EFCAB6: variants seen among roughly 807,000 people sequenced by gnomAD.
EFCAB6 encodes EF-hand calcium-binding domain-containing protein 6.
EFCAB6 carries 156 observed loss-of-function variants against 169.8 expected under a neutral mutation model. That is an observed-to-expected ratio of 0.92 (90% confidence interval 0.81 to 1.05). The LOEUF (loss-of-function observed/expected upper bound fraction) is 1.05. Among genes scored for constraint, EFCAB6 ranks in the 50% least tolerant of loss-of-function variants. The pLI, the probability that EFCAB6 is intolerant of heterozygous loss-of-function variation, is 0.00. For synonymous variants in EFCAB6, 698 were observed against 676.4 expected, an observed-to-expected ratio of 1.03 and a Z score of -0.50; for missense variants, 1,800 against 1,829.1, an observed-to-expected ratio of 0.98 and a Z score of 0.29.
At position 43,795,441 on chromosome 22, in the gene EFCAB6, G is replaced by A. The variant is rs564768937; in HGVS notation, c.-7-13116C>T. 2.1e-4 allele frequency among the ~76,000 whole-genome samples: 32 copies of A among 152,118 alleles called. No homozygotes were observed. Among genetic ancestry groups the A allele is most frequent in the Non-Finnish European group, 4.1e-4 (28 of 68,014 alleles). ...CATGCCTACCAGTGCCCACTAGGCA[G>A]GAGAGGAGCTGCCTCCTGCCCACAT... is the stretch of plus-strand genomic sequence containing the variant. On this transcript the variant is annotated intron_variant, in intron 2 of 31. Transcript: ENST00000262726. This position sits in a 1 kb window ranked among gnomAD's most constrained non-coding sequence, Gnocchi z 4.2.
At chr22:43,596,459 C>G (rs986511364) in intron 23 of EFCAB6, among the ~76,000 whole-genome samples, 3 of 151,844 alleles carry the variant, frequency 2.0e-5, no homozygotes, top group African/African-American at 4.8e-5. Context: ...TAACAGTGAT[C>G]AATCCAAAAA....
chr22:43,701,180 G>A (rs1292090774), intron 10 of EFCAB6, among the ~76,000 whole-genome samples: 1 of 152,120 alleles, frequency 6.6e-6, no homozygotes, highest in Non-Finnish European at 1.5e-5. Flanking sequence ...GGGCTTGAGA[G>A]GGTAGCAAAA....
At chr22:43,803,717 T>A (rs1173038659) in intron 2 of EFCAB6, among the ~76,000 whole-genome samples, 4 of 151,902 alleles carry the variant, frequency 2.6e-5, no homozygotes, top group African/African-American at 9.7e-5. Context: ...TGCAATACAA[T>A]AATATTAGGA....
intron 2 of EFCAB6, among the ~76,000 whole-genome samples, chr22:43,803,473 T>A (rs190420119): frequency 5.9e-5 from 9 of 152,282 alleles, no homozygotes; most frequent in African/African-American, 1.7e-4. Context: ...TGTCTGCCCA[T>A]GTCCTGCTGA....
At chr22:43,551,555 G>A (rs2048379085) in intron 27 of EFCAB6, among the ~76,000 whole-genome samples, 1 of 152,080 alleles carries the variant, frequency 6.6e-6, no homozygotes, top group East Asian at 1.9e-4. Context: ...ACATGTGCAG[G>A]TTTGTTCCAT....
In EFCAB6 at chr22:43,735,887, CAGA is replaced by C. The variant is rs1368259557; in HGVS notation, c.611_613del (p.Phe204del). On this transcript the variant is annotated inframe_deletion, in exon 7 of 32. Coordinates refer to ENST00000262726, the MANE Select transcript of EFCAB6 (RefSeq NM_022785.4). Reference sequence around the variant, plus strand: ...GTATTCCTCGTCTCTTAACTTCATACAGAAGGTCTCCAGAACCCTTCTTAGCTC... The same window carrying C: ...GTATTCCTCGTCTCTTAACTTCATACAGGTCTCCAGAACCCTTCTTAGCTC... The C allele has an allele frequency of 2.5e-6, 4 of 1,614,122 alleles. No individual in the cohort carries two copies. The highest frequency in any genetic ancestry group is 3.4e-6 in the Non-Finnish European group (4 of 1,180,014).
chr22:43,566,574 G>T (rs991577924), intron 26 of EFCAB6, among the ~76,000 whole-genome samples: 2 of 152,174 alleles, frequency 1.3e-5, no homozygotes, highest in African/African-American at 4.8e-5. Flanking sequence ...AGTAAGTGGG[G>T]CTCAGTTCCA....
At position 43,561,233 on chromosome 22, in the gene EFCAB6, T is replaced by A. The variant is rs539094873; in HGVS notation, c.3421-6137A>T. 1.6e-3 allele frequency among the ~76,000 whole-genome samples: 244 copies of A among 151,896 alleles called. 3 individuals are homozygous for A. Among genetic ancestry groups the A allele is most frequent in the African/African-American group, 5.5e-3 (226 of 41,434 alleles). On this transcript the variant is annotated intron_variant, in intron 26 of 31. Coordinates refer to ENST00000262726, the MANE Select transcript of EFCAB6 (RefSeq NM_022785.4). The stretch of plus-strand genomic sequence containing the variant: ...TTAGCCAGGCGTGGTGGCGGGAGCC[T>A]GTAGTCCCAGCTACTCAGGGGGCTG...
chr22:43,667,364 C>G (rs988284985), intron 16 of EFCAB6, 92 bp from the exon 17 acceptor site: 3 of 1,470,950 alleles, frequency 2.0e-6, no homozygotes, highest in Non-Finnish European at 2.8e-6. Flanking sequence ...TAACCCATGA[C>G]AGTAAGAAGG....
intron 28 of EFCAB6, 152 bp downstream of exon 28, chr22:43,539,975 A>G: frequency 1.3e-6 from 1 of 761,006 alleles, no homozygotes; most frequent in South Asian, 1.8e-5. Flanking sequence ...AGGACCTGCC[A>G]GTGGGATCCT....
At chr22:43,673,256 C>T (rs934044007) in intron 13 of EFCAB6, among the ~76,000 whole-genome samples, 7 of 152,128 alleles carry the variant, frequency 4.6e-5, no homozygotes, top group South Asian at 2.1e-4. Context: ...GTGTCCTTTG[C>T]ATTCTGTACT....
At chr22:43,811,499 G>A (rs2063128090) in intron 1 of EFCAB6, among the ~76,000 whole-genome samples, 1 of 152,052 alleles carries the variant, frequency 6.6e-6, no homozygotes, top group Admixed American at 6.5e-5. Context: ...TAGAGAGAGG[G>A]GTGATTTGGA....
chr22:43,646,810 A>G (rs537903481), intron 17 of EFCAB6, among the ~76,000 whole-genome samples: 231 of 152,344 alleles, frequency 1.5e-3, no homozygotes, highest in African/African-American at 5.5e-3. Flanking sequence ...AAACTTTTTT[A>G]TTCTACCCAA....
intron 10 of EFCAB6, among the ~76,000 whole-genome samples, chr22:43,698,108 G>A (rs2058641418): frequency 6.6e-6 from 1 of 152,106 alleles, no homozygotes; most frequent in South Asian, 2.1e-4. Context: ...CTTGTTCATG[G>A]GCTTTCAGGG....
rs2057377438 is a variant in EFCAB6 at position 43,669,042 on chromosome 22, G to A, written c.1644C>T (p.Leu548=). 1 of 1,598,346 alleles carries A rather than the reference G, an allele frequency of 6.3e-7. No individual in the cohort carries two copies. The highest frequency in any genetic ancestry group is 8.5e-7 in the Non-Finnish European group (1 of 1,173,408). Residue 548 remains leucine (L), a synonymous_variant, in exon 16 of 32, where the codon CTC becomes CTT. Transcript: ENST00000262726. ...PFLTNAHFIK[L]CSKIQDIGSG... ...AACCAATGTCCTGAATCTTACTGCA[G>A]AGTCTGAATTTTAAAAAATAATTAA...
intron 2 of EFCAB6, among the ~76,000 whole-genome samples, chr22:43,791,354 T>C (rs1212525025): frequency 4.1e-5 from 6 of 145,506 alleles, no homozygotes; most frequent in South Asian, 2.2e-4. Context: ...GCCTGGGTGA[T>C]AGAAGTGAGA....
chr22:43,687,608 C>T (rs772042302), intron 10 of EFCAB6, 27 bp from the exon 11 acceptor site: 9 of 1,424,106 alleles, frequency 6.3e-6, no homozygotes. Flanking sequence ...CAACAAAAAA[C>T]ATTACTTTAA....
At chr22:43,629,614 C>A (rs574584311) in intron 19 of EFCAB6, among the ~76,000 whole-genome samples, 1 of 152,084 alleles carries the variant, frequency 6.6e-6, no homozygotes, top group Non-Finnish European at 1.5e-5. Context: ...ACTGCAGCAC[C>A]CTGCGGGCTG....
rs200357356 is a variant in EFCAB6, at chr22:43,632,208, G to A, written c.2129C>T (p.Pro710Leu). The A allele has an allele frequency of 1.8e-4, 297 of 1,614,088 alleles. 8 individuals carry two copies. In the Middle Eastern group the frequency reaches 4.8e-3, roughly 26 times the overall value. The change falls in exon 19 of 32, where the codon CCG (proline) becomes CTG (leucine). Residue 710 changes from proline to leucine, a missense_variant. By Grantham distance (98) the Pro-to-Leu change is moderately conservative. Coordinates refer to ENST00000262726, the MANE Select transcript of EFCAB6 (RefSeq NM_022785.4). ...DPPMRGPETTPPQPPTPSKSY... is the reference protein window; with the variant it reads ...DPPMRGPETTLPQPPTPSKSY... ...TTTTGAAGGAGTTGGAGGCTGCGGCGGAGTGGTTTCCGGCCCTCTCATTGG... is the reference window on the plus strand; with the variant it reads ...TTTTGAAGGAGTTGGAGGCTGCGGCAGAGTGGTTTCCGGCCCTCTCATTGG...
Sources: allele counts gnomAD v4.1 joint callset (sites outside exome capture counted in the v4.1 genomes callset), GRCh38; gene constraint gnomAD v4.1.1; non-coding constraint Gnocchi (gnomAD v3.1); transcripts MANE v1.5; gene names NCBI Gene and HGNC (gene_info 2026-07-23, HGNC 2026-07-21).